Variants in ENTREP2 observed in about 807,000 individuals in gnomAD.
ENTREP2 encodes the protein protein ENTREP2.
chr15:29,446,895 T>A, the ENTREP2 span, among the ~76,000 whole-genome samples: 1 of 152,172 alleles, frequency 6.6e-6, no homozygotes, highest in Non-Finnish European at 1.5e-5. Flanking sequence ...CACACCTCCT[T>A]CTGATTCTCC....
the ENTREP2 span, among the ~76,000 whole-genome samples, chr15:29,392,757 C>T: frequency 6.6e-5 from 10 of 152,306 alleles, no homozygotes; most frequent in South Asian, 8.3e-4. Context: ...ATTGTATCTT[C>T]GCTATTCTCT....
At chr15:29,643,272 C>G in the ENTREP2 span, among the ~76,000 whole-genome samples, 1 of 152,128 alleles carries the variant, frequency 6.6e-6, no homozygotes, top group Non-Finnish European at 1.5e-5. Flanking sequence ...ATCCTATCAA[C>G]TCAACAATAA....
At chr15:29,651,577 T>TGGGAAGGGGCCC in the ENTREP2 span, among the ~76,000 whole-genome samples, 1 of 152,168 alleles carries the variant, frequency 6.6e-6, no homozygotes, top group Non-Finnish European at 1.5e-5. Context: ...CTTGGGGGCC[T>TGGGAAGGGGCCC]GGGAAGGCCC....
At chr15:29,196,630 G>A in the ENTREP2 span, 7 of 1,509,654 alleles carry the variant, frequency 4.6e-6, no homozygotes, top group Non-Finnish European at 6.3e-6. Flanking sequence ...GTACGCGTGA[G>A]TGACACAGTT....
chr15:29,199,219 A>G, the ENTREP2 span, among the ~76,000 whole-genome samples: 4 of 152,170 alleles, frequency 2.6e-5, no homozygotes, highest in Admixed American at 1.3e-4. Flanking sequence ...GCACTGTTCG[A>G]GGGTCCCCAT....
chr15:29,643,205 G>A, the ENTREP2 span, among the ~76,000 whole-genome samples: 1 of 152,154 alleles, frequency 6.6e-6, no homozygotes. Flanking sequence ...TATTTCAAAG[G>A]ACAACATTAA....
chr15:29,621,441 T>C, the ENTREP2 span, among the ~76,000 whole-genome samples: 2 of 139,642 alleles, frequency 1.4e-5, no homozygotes, highest in Non-Finnish European at 3.0e-5. Flanking sequence ...GAGAATGGCG[T>C]GAACCCAGGA....
the ENTREP2 span, among the ~76,000 whole-genome samples, chr15:29,542,204 G>A: frequency 2.6e-5 from 4 of 151,886 alleles, no homozygotes; most frequent in Non-Finnish European, 4.4e-5. Flanking sequence ...AAGAAGGGAC[G>A]GGGTTTCACC....
chr15:29,198,377 T>C, the ENTREP2 span, among the ~76,000 whole-genome samples: 6 of 152,150 alleles, frequency 3.9e-5, no homozygotes, highest in African/African-American at 1.4e-4. Context: ...ACACACAACA[T>C]TACTAGGTAA....
chr15:29,434,346 T>C, the ENTREP2 span, among the ~76,000 whole-genome samples: 1 of 152,240 alleles, frequency 6.6e-6, no homozygotes, highest in Non-Finnish European at 1.5e-5. Flanking sequence ...AGGTCAACAT[T>C]GCAAAGTGTT....
At chr15:29,400,854 G>GGA in the ENTREP2 span, among the ~76,000 whole-genome samples, 26 of 152,224 alleles carry the variant, frequency 1.7e-4, no homozygotes, top group Non-Finnish European at 1.6e-4. Flanking sequence ...GTGTGAGGTC[G>GGA]GAGGCTCCTG....
the ENTREP2 span, among the ~76,000 whole-genome samples, chr15:29,562,274 G>C: frequency 6.6e-6 from 1 of 152,214 alleles, no homozygotes. Flanking sequence ...AATTGGAATG[G>C]GGTCTACAGA....
chr15:29,332,978 A>C, the ENTREP2 span, among the ~76,000 whole-genome samples: 1 of 150,784 alleles, frequency 6.6e-6, no homozygotes. Context: ...AAAAAAAAAA[A>C]CCCTTTATAC....
the ENTREP2 span, chr15:29,252,270 T>A: frequency 1.5e-6 from 1 of 664,490 alleles, no homozygotes; most frequent in South Asian, 2.5e-5. Context: ...AAAGTGTACA[T>A]GAGAACCTAA....
the ENTREP2 span, among the ~76,000 whole-genome samples, chr15:29,365,202 A>G: frequency 6.6e-6 from 1 of 151,108 alleles, no homozygotes; most frequent in East Asian, 1.9e-4. Context: ...TTCACACTGT[A>G]TTATGCAAAG....
chr15:29,662,838 C>T, the ENTREP2 span, among the ~76,000 whole-genome samples: 6 of 152,136 alleles, frequency 3.9e-5, no homozygotes, highest in Admixed American at 2.0e-4. Flanking sequence ...CTCCTGCCTC[C>T]GCCTCCTGAG....
the ENTREP2 span, among the ~76,000 whole-genome samples, chr15:29,124,270 G>A: frequency 3.3e-5 from 5 of 152,216 alleles, no homozygotes; most frequent in Non-Finnish European, 5.9e-5. Context: ...TGTCAGTGGC[G>A]AGGGACGCCA....
At chr15:29,641,740 A>T in the ENTREP2 span, among the ~76,000 whole-genome samples, 5 of 151,734 alleles carry the variant, frequency 3.3e-5, no homozygotes, top group Non-Finnish European at 7.4e-5. Context: ...GCTGAGGCAC[A>T]AGAATCTCTT....
At chr15:29,191,602 C>T in the ENTREP2 span, among the ~76,000 whole-genome samples, 1 of 152,060 alleles carries the variant, frequency 6.6e-6, no homozygotes, top group Admixed American at 6.6e-5. Context: ...CTGCAGAAAA[C>T]AGCCAGGAAG....
Sources: allele counts gnomAD v4.1 joint callset (sites outside exome capture counted in the v4.1 genomes callset), GRCh38; gene constraint gnomAD v4.1.1; transcripts MANE v1.5; gene names NCBI Gene and HGNC (gene_info 2026-07-23, HGNC 2026-07-21).